ODAD2: variants seen among roughly 807,000 people sequenced by gnomAD.
The protein encoded by ODAD2 is outer dynein arm docking complex subunit 2, also known as outer dynein arm-docking complex subunit 2.
A neutral mutation model predicts 106.8 loss-of-function variants in ODAD2; 89 were observed. The ratio of observed to expected loss-of-function variants is 0.83; its 90% confidence interval spans 0.70 to 0.99. The LOEUF (loss-of-function observed/expected upper bound fraction) is 0.99. ODAD2 is among the 50% of genes least tolerant of loss of function. ODAD2 has a pLI of 0.00. For synonymous variants in ODAD2, 404 were observed against 436.2 expected, an observed-to-expected ratio of 0.93 and a Z score of 0.92; for missense variants, 1,168 against 1,238.5, an observed-to-expected ratio of 0.94 and a Z score of 0.85.
intron 10 of ODAD2, chr10:27,958,889 G>A (rs918535199): frequency 3.8e-5 from 50 of 1,303,766 alleles, no homozygotes; most frequent in Middle Eastern, 2.1e-4. Context: ...TCTTTCCAAC[G>A]TCAAAGATCA....
At chr10:27,946,918 G>A (rs532739259) in intron 10 of ODAD2, among the ~76,000 whole-genome samples, 17 of 152,252 alleles carry the variant, frequency 1.1e-4, no homozygotes, top group Middle Eastern at 3.4e-3. Flanking sequence ...TTTCTTCCAT[G>A]CCTCTAGAAA....
intron 19 of ODAD2, among the ~76,000 whole-genome samples, chr10:27,841,125 T>A (rs61476792): frequency 0.045 from 6,810 of 152,294 alleles, 498 homozygotes; most frequent in African/African-American, 0.15. Context: ...TTATTAAGCC[T>A]AATATTCTAA....
intron 10 of ODAD2, among the ~76,000 whole-genome samples, chr10:27,953,219 G>T (rs1847491422): frequency 6.6e-6 from 1 of 152,072 alleles, no homozygotes; most frequent in Non-Finnish European, 1.5e-5. Context: ...AATATATATT[G>T]TTAACTATAG....
chr10:27,962,214 G>A (rs576977459), intron 9 of ODAD2, among the ~76,000 whole-genome samples: 10 of 152,304 alleles, frequency 6.6e-5, no homozygotes, highest in South Asian at 2.1e-4. Flanking sequence ...CTAAGCCTGC[G>A]CTTTTCAATA....
chr10:27,958,366 G>A (rs1048640706), intron 10 of ODAD2, among the ~76,000 whole-genome samples: 6 of 152,146 alleles, frequency 3.9e-5, no homozygotes, highest in African/African-American at 1.4e-4. Context: ...AGGCTATTAT[G>A]AGAAACTCTC....
chr10:27,981,589 GA>G lies in ODAD2; in HGVS notation c.820-8del. On this transcript the variant is annotated splice_polypyrimidine_tract_variant and splice_region_variant and intron_variant, in intron 6 of 19. Coordinates refer to ENST00000305242, the MANE Select transcript of ODAD2 (RefSeq NM_018076.5). ...CTTCATCATCTGTTTTGCCCTTTGG[GA>G]AAAAACAAGTTTCATTCTATGATTA... The G allele has an allele frequency of 6.6e-7, 1 of 1,514,838 alleles. No homozygotes were observed. The highest frequency in any genetic ancestry group is 8.8e-7 in the Non-Finnish European group (1 of 1,134,918). The allele number at this position is 1,514,838 out of a possible 1,614,324, so 93.8% of individuals were successfully genotyped here. A position where few individuals can be genotyped will look rare whatever the true frequency, so the allele number is the denominator to read the frequency against.
At position 27,863,346 on chromosome 10, in the gene ODAD2, C is replaced by T. The variant is rs189200562; in HGVS notation, c.2611-724G>A. Among the ~76,000 whole-genome samples the T allele has an allele frequency of 3.8e-3, 578 of 152,222 alleles. 2 individuals are homozygous for T. Among genetic ancestry groups the T allele is most frequent in the African/African-American group, 0.013 (544 of 41,544 alleles). Reference sequence around the variant, plus strand: ...AAAAATTATGGCACTAAATGGACTGCAAAATGGACACTTGCTTACAGTATG... The same window carrying T: ...AAAAATTATGGCACTAAATGGACTGTAAAATGGACACTTGCTTACAGTATG... On this transcript the variant is annotated intron_variant, in intron 17 of 19. Transcript: ENST00000305242.
rs138799259 is a variant in ODAD2 at position 27,902,523 on chromosome 10, A to G, written c.2610+5140T>C. Among the ~76,000 whole-genome samples the G allele has an allele frequency of 1.4e-3, 208 of 152,260 alleles. 4 individuals carry two copies. The highest frequency in any genetic ancestry group is 4.5e-3 in the African/African-American group (188 of 41,550). ...TGAATCCAGGAGCTGGTTTTTTGAA[A>G]ACATTAACAAAATAAATAGACTGCT... On this transcript the variant is annotated intron_variant, in intron 17 of 19. Coordinates refer to ENST00000305242, the MANE Select transcript of ODAD2 (RefSeq NM_018076.5).
chr10:27,907,161 C>A (rs1417059877), intron 17 of ODAD2, among the ~76,000 whole-genome samples: 2 of 152,110 alleles, frequency 1.3e-5, no homozygotes, highest in African/African-American at 2.4e-5. Flanking sequence ...GGGCTAAAAT[C>A]GATTTCAGAA....
At chr10:27,953,313 TG>T (rs1847495756) in intron 10 of ODAD2, among the ~76,000 whole-genome samples, 1 of 152,206 alleles carries the variant, frequency 6.6e-6, no homozygotes. Context: ...TACATAAAAC[TG>T]CCTTAGCTAT....
At chr10:27,988,066 C>G (rs1452073653) in intron 2 of ODAD2, among the ~76,000 whole-genome samples, 1 of 150,394 alleles carries the variant, frequency 6.6e-6, no homozygotes, top group Non-Finnish European at 1.5e-5. Flanking sequence ...CTTTCCCACT[C>G]TAAACTTCTT....
intron 19 of ODAD2, among the ~76,000 whole-genome samples, chr10:27,836,938 G>T (rs1047236796): frequency 6.6e-6 from 1 of 152,116 alleles, no homozygotes. Context: ...AAGCCTCAAA[G>T]ATATAAATCA....
intron 19 of ODAD2, among the ~76,000 whole-genome samples, chr10:27,837,068 A>G (rs956547660): frequency 1.3e-5 from 2 of 152,068 alleles, no homozygotes; most frequent in Non-Finnish European, 2.9e-5. Context: ...CTGAAGACAA[A>G]TTCTGATGCA....
intron 17 of ODAD2, among the ~76,000 whole-genome samples, chr10:27,890,050 T>TA (rs1842459722): frequency 6.6e-6 from 1 of 152,008 alleles, no homozygotes; most frequent in Non-Finnish European, 1.5e-5. Flanking sequence ...TTTATACAAA[T>TA]AAAAAATGCA....
rs779472528 is a variant in ODAD2 at position 27,994,887 on chromosome 10, T to C, written c.224+32A>G. The C allele has an allele frequency of 1.5e-5, 24 of 1,610,444 alleles. 1 individual carries two copies. In the East Asian group the frequency reaches 5.4e-4, roughly 36 times the overall value. On this transcript the variant is annotated intron_variant, in intron 2 of 19. Coordinates refer to ENST00000305242, the MANE Select transcript of ODAD2 (RefSeq NM_018076.5). ...TTGATAATACTATGTACAACGAAGATATCAAATCCTAGAAGCAAGTAACTG... is the reference window on the plus strand; with the variant it reads ...TTGATAATACTATGTACAACGAAGACATCAAATCCTAGAAGCAAGTAACTG...
At chr10:27,827,116 A>G (rs1021439405) in intron 19 of ODAD2, among the ~76,000 whole-genome samples, 1 of 151,892 alleles carries the variant, frequency 6.6e-6, no homozygotes, top group African/African-American at 2.4e-5. Context: ...TCTTCTCTTG[A>G]CTTTGTGAAA....
chr10:27,993,711 A>G (rs1002219666), intron 2 of ODAD2, among the ~76,000 whole-genome samples: 8 of 152,164 alleles, frequency 5.3e-5, no homozygotes, highest in African/African-American at 1.9e-4. Flanking sequence ...GCTGACCAAT[A>G]GAAGAATTAA....
intron 17 of ODAD2, among the ~76,000 whole-genome samples, chr10:27,880,578 T>A (rs1443994803): frequency 2.0e-5 from 3 of 152,184 alleles, no homozygotes; most frequent in Non-Finnish European, 4.4e-5. Context: ...AGGAGCTGAT[T>A]AAGTCATGAG....
At chr10:27,926,030 A>C (rs1404775081) in intron 16 of ODAD2, among the ~76,000 whole-genome samples, 1 of 150,192 alleles carries the variant, frequency 6.7e-6, no homozygotes, top group East Asian at 2.0e-4. Flanking sequence ...AAAAAGTAAC[A>C]CTTTCTCTAA....
Sources: gnomAD v4.1 joint callset for allele counts (sites outside exome capture counted in the v4.1 genomes callset) on GRCh38, gnomAD v4.1.1 for gene constraint, MANE v1.5 for transcripts, NCBI Gene and HGNC (gene_info 2026-07-23, HGNC 2026-07-21) for gene names.